SLC44A5: variants seen among roughly 807,000 people sequenced by gnomAD.
SLC44A5 encodes the protein choline transporter-like protein 5.
A neutral mutation model predicts 101.8 loss-of-function variants in SLC44A5; 57 were observed. The ratio of observed to expected loss-of-function variants is 0.56; its 90% confidence interval spans 0.45 to 0.70. The LOEUF (loss-of-function observed/expected upper bound fraction) is 0.70. Ranked by LOEUF, SLC44A5 falls within the 30% of genes least tolerant of loss-of-function variation. SLC44A5 has a pLI of 0.00. For synonymous variants in SLC44A5, 281 were observed against 290.9 expected (o/e 0.97, Z 0.35); for missense variants, 737 against 853.1 (o/e 0.86, Z 1.70).
At chr1:75,535,707 A>G (rs575561473) in intron 2 of SLC44A5, among the ~76,000 whole-genome samples, 130 of 152,212 alleles carry the variant, frequency 8.5e-4, no homozygotes, top group Non-Finnish European at 1.0e-3. Flanking sequence ...ACACTGGAGA[A>G]CTCTACTCTC....
At chr1:75,381,938 T>C (rs556412552) in intron 3 of SLC44A5, among the ~76,000 whole-genome samples, 2 of 81,986 alleles carry the variant, frequency 2.4e-5, no homozygotes, top group Non-Finnish European at 4.2e-5. Context: ...GTAAACTTTG[T>C]TAATGATTGG....
At chr1:75,231,029 C>T (rs991471392) in intron 12 of SLC44A5, among the ~76,000 whole-genome samples, 4 of 152,174 alleles carry the variant, frequency 2.6e-5, no homozygotes, top group African/African-American at 7.2e-5. Context: ...CAGGTAGTCT[C>T]GGACTTTATT....
At chr1:75,362,820 T>C (rs1371739787) in intron 3 of SLC44A5, among the ~76,000 whole-genome samples, 1 of 151,824 alleles carries the variant, frequency 6.6e-6, no homozygotes, top group Non-Finnish European at 1.5e-5. Flanking sequence ...TGATCTAAAG[T>C]GTAAGGGGGG....
intron 2 of SLC44A5, 126 bp downstream of exon 2, chr1:75,541,308 GT>G: frequency 1.4e-6 from 1 of 702,320 alleles, no homozygotes; most frequent in Non-Finnish European, 2.4e-6. Context: ...AGTTTTCCAG[GT>G]GCAGCTTCCA....
intron 3 of SLC44A5, among the ~76,000 whole-genome samples, chr1:75,376,328 G>C (rs901348322): frequency 5.3e-5 from 8 of 152,228 alleles, no homozygotes; most frequent in Non-Finnish European, 1.0e-4. Context: ...ACTGGGTGGA[G>C]CCCACCACAG....
chr1:75,674,304 T>C, the SLC44A5 span, among the ~76,000 whole-genome samples: 2 of 152,162 alleles, frequency 1.3e-5, no homozygotes, highest in East Asian at 3.9e-4. Flanking sequence ...AATAGCAGAA[T>C]TGATCAAGCA....
At chr1:75,238,694 C>T (rs1216273551) in intron 9 of SLC44A5, 58 bp from the exon 10 acceptor site, 1 of 1,185,626 alleles carries the variant, frequency 8.4e-7, no homozygotes, top group African/African-American at 1.6e-5. Flanking sequence ...TTAATGATGT[C>T]CTCCCTTTCT....
chr1:75,680,797 C>T, the SLC44A5 span, among the ~76,000 whole-genome samples: 9 of 149,290 alleles, frequency 6.0e-5, no homozygotes, highest in Non-Finnish European at 1.0e-4. Context: ...CACAAAAAAC[C>T]CTTCAAAAAA....
At chr1:75,703,675 G>A in the SLC44A5 span, among the ~76,000 whole-genome samples, 4 of 143,304 alleles carry the variant, frequency 2.8e-5, no homozygotes, top group Non-Finnish European at 4.6e-5. Context: ...AAAAAAAAAA[G>A]AATCTGAAAA....
intron 5 of SLC44A5, among the ~76,000 whole-genome samples, chr1:75,296,053 T>G (rs1431379407): frequency 1.3e-5 from 2 of 152,214 alleles, no homozygotes; most frequent in African/African-American, 4.8e-5. Flanking sequence ...ATATGAAAAT[T>G]TAGCCTTATG....
Position 75,213,956 on chromosome 1 carries a change from T to C in SLC44A5, c.1836A>G (p.Val612=). 2 of 1,596,550 alleles carry C rather than the reference T, an allele frequency of 1.3e-6. No homozygotes were observed. The highest frequency in any genetic ancestry group is 1.7e-6 in the Non-Finnish European group (2 of 1,168,620). Residue 612 remains valine, a synonymous_variant, in exon 21 of 24, where the codon GTA becomes GTG. Coordinates refer to ENST00000370859, the MANE Select transcript of SLC44A5 (RefSeq NM_001130058.2). ...VAVTDEVTYF[V]LFLGKLLVAG... ...CAACTAGAAGTTTCCCCAGGAATAA[T>C]ACAAAGTATGTAACTTCATCTGTAA...
chr1:75,697,331 T>G, the SLC44A5 span, among the ~76,000 whole-genome samples: 1 of 152,236 alleles, frequency 6.6e-6, no homozygotes, highest in Non-Finnish European at 1.5e-5. Context: ...CATTTAAATA[T>G]ATTTCAATTA....
chr1:75,345,229 T>G (rs1658161715), intron 3 of SLC44A5, among the ~76,000 whole-genome samples: 1 of 152,104 alleles, frequency 6.6e-6, no homozygotes, highest in South Asian at 2.1e-4. Context: ...GATTGTAATG[T>G]CAAGGCAAGT....
chr1:75,406,918 T>C (rs571807940), intron 2 of SLC44A5, among the ~76,000 whole-genome samples: 1 of 152,226 alleles, frequency 6.6e-6, no homozygotes, highest in East Asian at 1.9e-4. Flanking sequence ...GAAGTCAAAT[T>C]GTCTCTGCTT....
intron 1 of SLC44A5, among the ~76,000 whole-genome samples, chr1:75,584,125 G>C (rs759455640): frequency 6.6e-6 from 1 of 152,214 alleles, no homozygotes; most frequent in African/African-American, 2.4e-5. Context: ...ACTAACTGGG[G>C]AGGAGAGATC....
At chr1:75,425,978 C>T (rs532626200) in intron 2 of SLC44A5, among the ~76,000 whole-genome samples, 1 of 152,248 alleles carries the variant, frequency 6.6e-6, no homozygotes, top group East Asian at 1.9e-4. Context: ...GCTTTCACCT[C>T]CATCTGGTTT....
At chr1:75,215,471 G>C (rs990279362) in intron 19 of SLC44A5, among the ~76,000 whole-genome samples, 1 of 151,960 alleles carries the variant, frequency 6.6e-6, no homozygotes, top group African/African-American at 2.4e-5. Flanking sequence ...CTATGCCAAA[G>C]ACACACAAAA....
At chr1:75,461,171 C>G (rs914319267) in intron 2 of SLC44A5, among the ~76,000 whole-genome samples, 2 of 152,270 alleles carry the variant, frequency 1.3e-5, no homozygotes, top group East Asian at 3.9e-4. Flanking sequence ...TTTTGGCATA[C>G]AAAGTCTTCA....
the SLC44A5 span, among the ~76,000 whole-genome samples, chr1:75,677,062 G>T: frequency 1.3e-5 from 2 of 152,056 alleles, no homozygotes; most frequent in African/African-American, 4.8e-5. Context: ...TAAGCTGAGG[G>T]ATTTCATCAA....
Sources: gnomAD v4.1 joint callset for allele counts (sites outside exome capture counted in the v4.1 genomes callset) on GRCh38, gnomAD v4.1.1 for gene constraint, MANE v1.5 for transcripts, NCBI Gene and HGNC (gene_info 2026-07-23, HGNC 2026-07-21) for gene names.